Variants in NRXN2 observed in about 807,000 individuals in gnomAD.
NRXN2 encodes the protein neurexin 2.
In NRXN2, 29 loss-of-function variants were observed where a neutral mutation model predicts 128.8. That is an observed-to-expected ratio of 0.23 (90% CI 0.17 to 0.31). NRXN2 has a LOEUF of 0.31. NRXN2 is among the 10% of genes least tolerant of loss of function. The pLI is 1.00. For synonymous variants in NRXN2, 1,098 were observed against 1,075.2 expected, an observed-to-expected ratio of 1.02 and a Z score of -0.41; for missense variants, 1,881 against 2,452.6, an observed-to-expected ratio of 0.77 and a Z score of 4.92.
chr11:64,638,902 G>A (rs1336256255), intron 17 of NRXN2, among the ~76,000 whole-genome samples: 1 of 152,138 alleles, frequency 6.6e-6, no homozygotes, highest in Non-Finnish European at 1.5e-5. Context: ...TACTCTAAAT[G>A]TTCAAGAATA....
At chr11:64,644,972 C>A (rs1001447702) in intron 17 of NRXN2, among the ~76,000 whole-genome samples, 2 of 152,156 alleles carry the variant, frequency 1.3e-5, no homozygotes, top group East Asian at 3.9e-4. Context: ...GTCCTCCATC[C>A]CTACTACATG....
chr11:64,718,423 G>A (rs1347150817), intron 1 of NRXN2, among the ~76,000 whole-genome samples: 9 of 152,202 alleles, frequency 5.9e-5, no homozygotes, highest in Non-Finnish European at 1.5e-5. Context: ...CAGGCGCCAG[G>A]GAGGAAGAGC....
rs374928861 is a variant in NRXN2, at chr11:64,652,144, G to C, written c.2427C>G (p.Pro809=). ...LRVGCAPSKG[P]ETLFAGHKLN... is the part of the protein sequence containing the mutation. The stretch of plus-strand genomic sequence containing the variant: ...GCTTGTGCCCCGCAAACAGCGTTTC[G>C]GGGCCTTTACCTGCGGCACCAAGGG... Residue 809 remains proline, a synonymous_variant, in exon 13 of 23, where the codon CCC becomes CCG. Transcript: ENST00000265459. 1.4e-5 allele frequency: 23 copies of C among 1,612,294 alleles called. No homozygotes were observed. Among genetic ancestry groups the C allele is most frequent in the Non-Finnish European group, 1.9e-5 (23 of 1,179,874 alleles).
intron 4 of NRXN2, 89 bp downstream of exon 4, chr11:64,692,758 G>A (rs1381237227): frequency 1.4e-5 from 19 of 1,396,864 alleles, no homozygotes; most frequent in Non-Finnish European, 1.9e-5. Context: ...AGGGGAAGGG[G>A]ACAGGGGAAG....
rs142480509 is a variant in NRXN2 at position 64,680,335 on chromosome 11, A to G, written c.1153-3298T>C. ...GAAGCTCAGGACAAAGAGAAGAGGA[A>G]CCCACTCCACTTGCACATAAGAGGG... On this transcript the variant is annotated intron_variant, in intron 6 of 22. Coordinates refer to ENST00000265459, the MANE Select transcript of NRXN2 (RefSeq NM_015080.4). 6.2e-3 allele frequency among the ~76,000 whole-genome samples: 951 copies of G among 152,244 alleles called. 8 individuals are homozygous for G. The highest frequency in any genetic ancestry group is 0.022 in the African/African-American group (903 of 41,536).
chr11:64,641,726 G>A (rs1406988608), intron 17 of NRXN2, among the ~76,000 whole-genome samples: 2 of 152,082 alleles, frequency 1.3e-5, no homozygotes, highest in Non-Finnish European at 2.9e-5. Flanking sequence ...GAGGGGCAGA[G>A]ATAGGAGGTG....
intron 2 of NRXN2, among the ~76,000 whole-genome samples, chr11:64,704,625 G>C (rs1787670): frequency 0.22 from 10,837 of 48,400 alleles, 410 homozygotes; most frequent in East Asian, 0.36. Flanking sequence ...CACACACACA[G>C]AGAGAGAGAG....
intron 22 of NRXN2, among the ~76,000 whole-genome samples, chr11:64,615,079 C>A (rs1377410794): frequency 1.3e-5 from 2 of 152,262 alleles, no homozygotes; most frequent in Admixed American, 1.3e-4. Context: ...ACCTCACAGC[C>A]TTCCTTAAAG....
rs550871628 is a variant in NRXN2 at position 64,655,268 on chromosome 11, T to C, written c.2390-1546A>G. On this transcript the variant is annotated intron_variant, in intron 11 of 22. Transcript: ENST00000265459. ...GCAGCCAGGACCCTGGGCCACAGCC[T>C]GGCACCAAGGGAGGAGCAGAGGAGC... 2.0e-5 allele frequency among the ~76,000 whole-genome samples: 3 copies of C among 152,242 alleles called. No individual in the cohort carries two copies. In the East Asian group the frequency reaches 5.8e-4, roughly 29 times the overall value.
chr11:64,713,595 G>C lies in NRXN2; in HGVS notation c.105C>G (p.Pro35=), dbSNP rs1445278448. 17 of 1,339,002 alleles carry C rather than the reference G, an allele frequency of 1.3e-5. No individual in the cohort carries two copies. The highest frequency in any genetic ancestry group is 5.4e-5 in the South Asian group (3 of 55,048). The allele number at this position is 1,339,002 out of a possible 1,614,324, so 82.9% of individuals were successfully genotyped here. Residue 35 remains proline, a synonymous_variant, in exon 2 of 23, where the codon CCC becomes CCG. Coordinates refer to ENST00000265459, the MANE Select transcript of NRXN2 (RefSeq NM_015080.4). ...AGCGCGCGTAGCGAGCCCACTGCCC[G>C]GGGCCGCCGCCGAACTCCAGGCCGT... is the stretch of plus-strand genomic sequence containing the variant. ...RADGLEFGGG[P]GQWARYARWA...
chr11:64,678,847 C>G (rs2135545610), intron 6 of NRXN2, among the ~76,000 whole-genome samples: 1 of 151,906 alleles, frequency 6.6e-6, no homozygotes, highest in Admixed American at 6.6e-5. Flanking sequence ...AGTTAGAGAG[C>G]TGTTATAACC....
Position 64,607,907 on chromosome 11 carries a change from C to T in NRXN2, c.4428G>A (p.Pro1476=), listed in dbSNP as rs748679224. The T allele has an allele frequency of 3.2e-6, 5 of 1,559,594 alleles. No homozygotes were observed. Among genetic ancestry groups the T allele is most frequent in the South Asian group, 1.2e-5 (1 of 85,512 alleles). ...PAARRPPSGG[P]CQAERDDSDC... is the part of the protein sequence containing the mutation. ...CGCTGTCGTCCCGCTCGGCCTGGCA[C>T]GGGCCCCCAGAGGGCGGGCGGCGCG... The change falls in exon 23 of 23, where the codon CCG becomes CCA. Residue 1476 remains proline, a synonymous_variant. Transcript: ENST00000265459.
chr11:64,618,465 C>T (rs376350138), intron 22 of NRXN2, among the ~76,000 whole-genome samples: 43 of 152,318 alleles, frequency 2.8e-4, no homozygotes, highest in African/African-American at 6.0e-4. Context: ...CCTCAAAGAC[C>T]GTTGTCCCCA....
chr11:64,619,735 CTG>C (rs1483927206), intron 22 of NRXN2, among the ~76,000 whole-genome samples: 2 of 152,194 alleles, frequency 1.3e-5, no homozygotes, highest in Non-Finnish European at 2.9e-5. Flanking sequence ...AGAGCAGTCA[CTG>C]TGTTGTAACT....
At position 64,668,587 on chromosome 11, in the gene NRXN2, G is replaced by A. The variant is rs367937220; in HGVS notation, c.1215C>T (p.Asp405=). ...KLHYLVTISV[D]GILTTTGYTQ... is the part of the protein sequence containing the mutation. Reference sequence around the variant, plus strand: ...TGTAGCCTGTGGTGGTCAGGATCCCGTCCACCGAGATGGTCACCTGTCCAG... The same window carrying A: ...TGTAGCCTGTGGTGGTCAGGATCCCATCCACCGAGATGGTCACCTGTCCAG... The change falls in exon 8 of 23, where the codon GAC becomes GAT. Residue 405 remains aspartate (D), a synonymous_variant. Transcript: ENST00000265459. The A allele has an allele frequency of 3.2e-5, 52 of 1,613,236 alleles. No homozygotes were observed. Among genetic ancestry groups the A allele is most frequent in the South Asian group, 1.2e-4 (11 of 91,062 alleles).
chr11:64,646,050 A>G (rs1233996619), intron 17 of NRXN2, among the ~76,000 whole-genome samples: 2 of 152,132 alleles, frequency 1.3e-5, no homozygotes, highest in African/African-American at 4.8e-5. Flanking sequence ...TAGCCCTGGG[A>G]GAAGAGAGGA....
chr11:64,716,855 G>A (rs922148102), intron 1 of NRXN2, among the ~76,000 whole-genome samples: 10 of 152,092 alleles, frequency 6.6e-5, no homozygotes, highest in African/African-American at 2.4e-4. Flanking sequence ...CCCAGGAGGA[G>A]TGAGCCAGCG....
rs377034306 is a variant in NRXN2, at chr11:64,660,877, G to A, written c.2061C>T (p.Ser687=). Reference sequence around the variant, plus strand: ...ATGCACACTGCTTCAGCGTCTCCCGGGAGCAAAAGGGGGCAACGCCCACAG... The same window carrying A: ...ATGCACACTGCTTCAGCGTCTCCCGAGAGCAAAAGGGGGCAACGCCCACAG... ...QGAVGVAPFC[S]RETLKQCASA... The change falls in exon 10 of 23, where the codon TCC becomes TCT. Residue 687 remains serine (S), a synonymous_variant. Coordinates refer to ENST00000265459, the MANE Select transcript of NRXN2 (RefSeq NM_015080.4). This position sits in a 1 kb window ranked among gnomAD's most constrained non-coding sequence, Gnocchi z 5.2. 9.3e-6 allele frequency: 15 copies of A among 1,613,560 alleles called. No homozygotes were observed. In the African/African-American group the frequency reaches 1.5e-4, roughly 16 times the overall value.
At position 64,713,185 on chromosome 11, in the gene NRXN2, T is replaced by C; in HGVS notation, c.515A>G (p.Glu172Gly). The C allele has an allele frequency of 6.8e-7, 1 of 1,468,166 alleles. No individual in the cohort carries two copies. The allele number at this position is 1,468,166 out of a possible 1,614,324, so 90.9% of individuals were successfully genotyped here. The change falls in exon 2 of 23, where the codon GAG becomes GGG. Residue 172 changes from glutamate (E) to glycine (G), a missense_variant. Glu to Gly is a moderately conservative substitution (Grantham distance 98). Coordinates refer to ENST00000265459, the MANE Select transcript of NRXN2 (RefSeq NM_015080.4). ...GGCCAAGAGGCCGCGGAAGGGCGGC[T>C]CGTACTTGACGGTGCTCAGCGTAAG... ...SALTLSTVKY[E>G]PPFRGLLANL...
Sources: allele counts gnomAD v4.1 joint callset (sites outside exome capture counted in the v4.1 genomes callset), GRCh38; gene constraint gnomAD v4.1.1; non-coding constraint Gnocchi (gnomAD v3.1); transcripts MANE v1.5; gene names NCBI Gene and HGNC (gene_info 2026-07-23, HGNC 2026-07-21).